BTBD9: variants seen among roughly 807,000 people sequenced by gnomAD.
BTBD9 encodes the protein BTB domain containing 9, also known as BTB/POZ domain-containing protein 9.
BTBD9 carries 49 observed loss-of-function variants against 64.3 expected under a neutral mutation model. The observed-to-expected ratio is 0.76, with a 90% CI of 0.61 to 0.97. The LOEUF (loss-of-function observed/expected upper bound fraction) is 0.97. Among genes scored for constraint, BTBD9 ranks in the 50% least tolerant of loss-of-function variants. BTBD9 has a pLI of 0.00. For synonymous variants in BTBD9, 260 were observed against 274.7 expected (o/e 0.95, Z 0.53); for missense variants, 598 against 762.1 (o/e 0.78, Z 2.53).
At chr6:38,620,994 G>C (rs2127523239) in intron 1 of BTBD9, among the ~76,000 whole-genome samples, 1 of 152,308 alleles carries the variant, frequency 6.6e-6, no homozygotes, top group East Asian at 1.9e-4. Context: ...GCCAGAGAGA[G>C]AGCAGGAATA....
chr6:38,386,580 T>C (rs958898130), intron 6 of BTBD9, among the ~76,000 whole-genome samples: 2 of 151,596 alleles, frequency 1.3e-5, no homozygotes, highest in Non-Finnish European at 2.9e-5. Flanking sequence ...AATATAAATG[T>C]AGTAAAATTA....
chr6:38,557,488 T>C (rs908922763), intron 6 of BTBD9, among the ~76,000 whole-genome samples: 3 of 152,256 alleles, frequency 2.0e-5, no homozygotes, highest in Non-Finnish European at 2.9e-5. Flanking sequence ...TGAAATACAA[T>C]AGTTGGACAA....
At chr6:38,515,581 T>C (rs1772988251) in intron 6 of BTBD9, among the ~76,000 whole-genome samples, 1 of 152,202 alleles carries the variant, frequency 6.6e-6, no homozygotes, top group Non-Finnish European at 1.5e-5. Context: ...CTATCCAGCA[T>C]TAAATAATTT....
At chr6:38,266,308 C>A (rs1764970015) in intron 8 of BTBD9, among the ~76,000 whole-genome samples, 1 of 152,150 alleles carries the variant, frequency 6.6e-6, no homozygotes, top group Admixed American at 6.5e-5. Context: ...CACGGTGGCT[C>A]ACACCTGTAA....
intron 6 of BTBD9, among the ~76,000 whole-genome samples, chr6:38,526,808 T>C (rs980113041): frequency 6.6e-6 from 1 of 152,232 alleles, no homozygotes; most frequent in Admixed American, 6.5e-5. Flanking sequence ...AATGCCTGTA[T>C]CCCCATTGTA....
chr6:38,531,053 T>C (rs1432014795), intron 6 of BTBD9, among the ~76,000 whole-genome samples: 1 of 152,160 alleles, frequency 6.6e-6, no homozygotes, highest in Admixed American at 6.5e-5. Flanking sequence ...AGAAAATTTA[T>C]TCAAAGTGAT....
chr6:38,412,732 G>A lies in BTBD9; in HGVS notation c.1155-67639C>T, dbSNP rs114847166. 2.1e-3 allele frequency among the ~76,000 whole-genome samples: 314 copies of A among 152,142 alleles called. 1 individual carries two copies. Among genetic ancestry groups the A allele is most frequent in the African/African-American group, 7.2e-3 (297 of 41,480 alleles). On this transcript the variant is annotated intron_variant, in intron 6 of 10. Transcript: ENST00000481247. ...AAATTAGCCGGATGTGATGGCGTGT[G>A]CCTATAATCCAAGCTATTCAGGAGG...
At chr6:38,215,316 C>G (rs1373121245) in intron 9 of BTBD9, among the ~76,000 whole-genome samples, 1 of 152,140 alleles carries the variant, frequency 6.6e-6, no homozygotes, top group African/African-American at 2.4e-5. Flanking sequence ...TATTTGTGTT[C>G]CTGCAGATCT....
intron 9 of BTBD9, chr6:38,193,692 A>T: frequency 2.3e-6 from 1 of 435,550 alleles, no homozygotes; most frequent in Non-Finnish European, 3.1e-6. Context: ...TGAGGAGTTC[A>T]CAGTTGCTGC....
intron 9 of BTBD9, among the ~76,000 whole-genome samples, chr6:38,237,456 G>A (rs1423167864): frequency 6.6e-6 from 1 of 152,188 alleles, no homozygotes; most frequent in Non-Finnish European, 1.5e-5. Flanking sequence ...ATGCACCAAA[G>A]TACCAGGAAG....
At chr6:38,574,909 T>G (rs1196607514) in intron 6 of BTBD9, among the ~76,000 whole-genome samples, 1 of 152,214 alleles carries the variant, frequency 6.6e-6, no homozygotes, top group East Asian at 1.9e-4. Context: ...CACAGCCCAT[T>G]GTTTTTCTAC....
At chr6:38,262,470 CTTT>C (rs546176317) in intron 8 of BTBD9, among the ~76,000 whole-genome samples, 4 of 141,150 alleles carry the variant, frequency 2.8e-5, no homozygotes, top group Admixed American at 7.1e-5. Context: ...AAGTGCTGGG[CTTT>C]TTTTTTTTTT....
At chr6:38,262,816 C>T (rs1264776796) in intron 8 of BTBD9, among the ~76,000 whole-genome samples, 4 of 152,162 alleles carry the variant, frequency 2.6e-5, no homozygotes, top group Non-Finnish European at 5.9e-5. Flanking sequence ...CTGAATGGCA[C>T]TTTTTTCATC....
intron 6 of BTBD9, among the ~76,000 whole-genome samples, chr6:38,540,817 G>C (rs1774235423): frequency 6.6e-6 from 1 of 152,168 alleles, no homozygotes. Flanking sequence ...AGATACCTAA[G>C]GGCTTAAGTA....
At chr6:38,423,986 G>A (rs1262780416) in intron 6 of BTBD9, among the ~76,000 whole-genome samples, 4 of 151,690 alleles carry the variant, frequency 2.6e-5, no homozygotes, top group Non-Finnish European at 5.9e-5. Context: ...TTCCTTCTCC[G>A]CAAAATGAAA....
intron 6 of BTBD9, among the ~76,000 whole-genome samples, chr6:38,461,376 G>A (rs1360397996): frequency 6.6e-6 from 1 of 152,014 alleles, no homozygotes; most frequent in African/African-American, 2.4e-5. Context: ...GACATTATAG[G>A]TTATTTTGAG....
At chr6:38,249,452 G>T (rs1764317860) in intron 9 of BTBD9, among the ~76,000 whole-genome samples, 1 of 152,008 alleles carries the variant, frequency 6.6e-6, no homozygotes. Context: ...ATTTGGTAGA[G>T]ACTGGGTCTC....
chr6:38,604,165 C>G (rs958376177), intron 1 of BTBD9, among the ~76,000 whole-genome samples: 1 of 152,116 alleles, frequency 6.6e-6, no homozygotes, highest in African/African-American at 2.4e-5. Context: ...TAAAGTGCTA[C>G]GTAAGAACAT....
At chr6:38,278,202 A>G (rs1425728546) in intron 8 of BTBD9, among the ~76,000 whole-genome samples, 1 of 152,254 alleles carries the variant, frequency 6.6e-6, no homozygotes, top group Non-Finnish European at 1.5e-5. Flanking sequence ...ACACATGGAA[A>G]AGACCAAGAA....
Sources: gnomAD v4.1 joint callset for allele counts (sites outside exome capture counted in the v4.1 genomes callset) on GRCh38, gnomAD v4.1.1 for gene constraint, MANE v1.5 for transcripts, NCBI Gene and HGNC (gene_info 2026-07-23, HGNC 2026-07-21) for gene names.